The following DGKD variants were observed in gnomAD, a reference collection of about 807,000 sequenced individuals.
DGKD encodes the protein DAG kinase delta.
Under a neutral mutation model 154.4 loss-of-function variants are expected in DGKD, and 68 were observed. That is an observed-to-expected ratio of 0.44 (90% CI 0.36 to 0.54). The LOEUF is 0.54. Ranked by LOEUF, DGKD falls within the 20% of genes least tolerant of loss-of-function variation. The pLI is 0.00. For synonymous variants in DGKD, 693 were observed against 638.0 expected (o/e 1.09, Z -1.30); for missense variants, 1,343 against 1,593.6 (o/e 0.84, Z 2.68).
intron 8 of DGKD, 78 bp downstream of exon 8, chr2:233,437,557 T>G: frequency 1.2e-5 from 17 of 1,392,954 alleles, no homozygotes; most frequent in Non-Finnish European, 1.7e-5. Context: ...TCTCCAGCTC[T>G]GGAGTTGGTT....
chr2:233,458,099 G>C lies in DGKD; in HGVS notation c.2581-185G>C, dbSNP rs561213176. ...ATTCAGTAACTTTGCCGAGATGAGA[G>C]CTGGGATTTGGTCCCAGGCAGCTGG... On this transcript the variant is annotated intron_variant, in intron 21 of 29. Coordinates refer to ENST00000264057, the MANE Select transcript of DGKD (RefSeq NM_152879.3). This position sits in a 1 kb window ranked among gnomAD's most constrained non-coding sequence, Gnocchi z 6.6. 1 of 532,276 alleles carries C rather than the reference G, an allele frequency of 1.9e-6. No homozygotes were observed. The highest frequency in any genetic ancestry group is 3.4e-6 in the Non-Finnish European group (1 of 294,990). The allele number at this position is 532,276 out of a possible 1,614,324, so 33.0% of individuals were successfully genotyped here.
At chr2:233,402,573 C>T (rs998798066) in intron 3 of DGKD, among the ~76,000 whole-genome samples, 3 of 152,162 alleles carry the variant, frequency 2.0e-5, no homozygotes, top group South Asian at 2.1e-4. Context: ...TGGCAAGCCC[C>T]GCTGAAGAGG....
At chr2:233,446,474 C>A (rs2063074757) in intron 11 of DGKD, among the ~76,000 whole-genome samples, 1 of 152,236 alleles carries the variant, frequency 6.6e-6, no homozygotes, top group African/African-American at 2.4e-5. Context: ...CATCTTATCT[C>A]AAGGTAGCCA....
At chr2:233,369,583 C>T (rs1230443308) in intron 1 of DGKD, among the ~76,000 whole-genome samples, 1 of 152,198 alleles carries the variant, frequency 6.6e-6, no homozygotes, top group Non-Finnish European at 1.5e-5. Context: ...GTTTTTCCAT[C>T]AGCCTCTCCC....
intron 3 of DGKD, among the ~76,000 whole-genome samples, chr2:233,433,071 C>T (rs1377914694): frequency 6.6e-6 from 1 of 152,186 alleles, no homozygotes; most frequent in African/African-American, 2.4e-5. Context: ...ACCGTGTGAT[C>T]CAGCAATCCC....
chr2:233,433,804 T>C (rs2062606350), intron 3 of DGKD, among the ~76,000 whole-genome samples: 1 of 152,244 alleles, frequency 6.6e-6, no homozygotes, highest in African/African-American at 2.4e-5. Flanking sequence ...TTTTTTCTAC[T>C]GATTGATAAG....
chr2:233,390,211 C>T (rs1162778402), intron 2 of DGKD, among the ~76,000 whole-genome samples, 192 bp from the exon 3 acceptor site: 2 of 152,130 alleles, frequency 1.3e-5, no homozygotes, highest in Non-Finnish European at 2.9e-5. Flanking sequence ...CCTGTGAGCC[C>T]GAGCTTTTGG....
At chr2:233,396,168 G>A (rs1286315068) in intron 3 of DGKD, among the ~76,000 whole-genome samples, 1 of 152,156 alleles carries the variant, frequency 6.6e-6, no homozygotes, top group Non-Finnish European at 1.5e-5. Flanking sequence ...GTCTTTGAAG[G>A]CATTTCTGCT....
At position 233,434,459 on chromosome 2, in the gene DGKD, C is replaced by A. The variant is rs1266344827; in HGVS notation, c.428C>A (p.Thr143Asn). ...GAAGATTGGATTGCAGCATTAAAGA[C>A]TGTGCAGAACAGGGAGCACTTTGAG... ...EMEDWIAALK[T>N]VQNREHFEPT... The change falls in exon 4 of 30, where the codon ACT becomes AAT. Residue 143 changes from threonine to asparagine, a missense_variant. Transcript: ENST00000264057. The A allele has an allele frequency of 3.1e-6, 5 of 1,613,992 alleles. No individual in the cohort carries two copies. The African/African-American group carries it at 6.7e-5, about 22-fold the overall frequency.
chr2:233,449,248 C>T lies in DGKD; in HGVS notation c.1760C>T (p.Thr587Ile). The change falls in exon 15 of 30, where the codon ACC (threonine) becomes ATC (isoleucine). Residue 587 changes from threonine (T) to isoleucine (I), a missense_variant. Thr to Ile is a moderately conservative substitution (Grantham distance 89, BLOSUM62 -1). Around this residue, in one of 6 missense-constraint regions of DGKD, gnomAD observed 409 missense variants for 446.0 expected, o/e 0.92. Transcript: ENST00000264057. This position sits in a 1 kb window ranked among gnomAD's most constrained non-coding sequence, Gnocchi z 5.3. ...GDGSGSICGS[T>I]GDRLVASACP... Reference sequence around the variant, plus strand: ...GGGTCGGGCAGCATCTGCGGTTCCACCGGAGACCGCTTGGTGGCATCAGCT... The same window carrying T: ...GGGTCGGGCAGCATCTGCGGTTCCATCGGAGACCGCTTGGTGGCATCAGCT... 6.2e-7 allele frequency: 1 copy of T among 1,613,784 alleles called. No individual in the cohort carries two copies. The highest frequency in any genetic ancestry group is 8.5e-7 in the Non-Finnish European group (1 of 1,179,952).
chr2:233,369,764 C>T (rs991934823), intron 1 of DGKD, among the ~76,000 whole-genome samples: 1 of 152,162 alleles, frequency 6.6e-6, no homozygotes, highest in Non-Finnish European at 1.5e-5. Context: ...CTCCCCTCAC[C>T]TTGAATTCAT....
intron 3 of DGKD, among the ~76,000 whole-genome samples, chr2:233,417,302 G>A (rs543634684): frequency 1.3e-5 from 2 of 152,272 alleles, no homozygotes; most frequent in South Asian, 4.1e-4. Flanking sequence ...CAGAGGGCTG[G>A]GATTACAGTC....
intron 1 of DGKD, among the ~76,000 whole-genome samples, chr2:233,362,595 G>A (rs768061689): frequency 1.2e-4 from 18 of 152,294 alleles, no homozygotes; most frequent in South Asian, 4.2e-4. Flanking sequence ...AAGTTGCAGT[G>A]AGCTGAGACC....
At chr2:233,384,681 C>T (rs1703080103) in intron 1 of DGKD, among the ~76,000 whole-genome samples, 1 of 152,196 alleles carries the variant, frequency 6.6e-6, no homozygotes, top group Non-Finnish European at 1.5e-5. Context: ...CATCTCTCCC[C>T]TGCCACCCCA....
At chr2:233,394,057 T>C (rs1185810755) in intron 3 of DGKD, among the ~76,000 whole-genome samples, 1 of 152,220 alleles carries the variant, frequency 6.6e-6, no homozygotes, top group Admixed American at 6.5e-5. Context: ...CGCTTGAGCT[T>C]CCATAGGCTG....
At chr2:233,390,668 C>T (rs2125445226) in intron 3 of DGKD, among the ~76,000 whole-genome samples, 185 bp downstream of exon 3, 1 of 152,300 alleles carries the variant, frequency 6.6e-6, no homozygotes, top group South Asian at 2.1e-4. Context: ...AAGAATTTGG[C>T]ATGCATAAGC....
At position 233,434,848 on chromosome 2, in the gene DGKD, A is replaced by G. The variant is rs770550183; in HGVS notation, c.533A>G (p.Asn178Ser). 33 of 1,614,076 alleles carry G rather than the reference A, an allele frequency of 2.0e-5. No homozygotes were observed. The highest frequency in any genetic ancestry group is 6.7e-5 in the Admixed American group (4 of 59,996). Residue 178 changes from asparagine to serine, a missense_variant, in exon 5 of 30, where the codon AAT (asparagine) becomes AGT (serine). Coordinates refer to ENST00000264057, the MANE Select transcript of DGKD (RefSeq NM_152879.3). ...ACSHARPTYC[N>S]VCREALSGVT... Reference sequence around the variant, plus strand: ...TCCCACGCGAGGCCGACCTACTGCAATGTGTGCCGTGAGGCTCTGTCTGGG... The same window carrying G: ...TCCCACGCGAGGCCGACCTACTGCAGTGTGTGCCGTGAGGCTCTGTCTGGG...
intron 3 of DGKD, among the ~76,000 whole-genome samples, chr2:233,401,957 A>G (rs867257057): frequency 2.0e-5 from 3 of 146,658 alleles, no homozygotes; most frequent in South Asian, 4.3e-4. Context: ...AGCAAGCACT[A>G]TAAACCATCG....
At chr2:233,419,617 C>T (rs2062051742) in intron 3 of DGKD, among the ~76,000 whole-genome samples, 1 of 152,176 alleles carries the variant, frequency 6.6e-6, no homozygotes, top group Admixed American at 6.5e-5. Context: ...TGACTTTACT[C>T]ATGTGCTAGA....
Sources: allele counts gnomAD v4.1 joint callset (sites outside exome capture counted in the v4.1 genomes callset), GRCh38; gene constraint gnomAD v4.1.1; regional missense constraint gnomAD v4.1.1; non-coding constraint Gnocchi (gnomAD v3.1); transcripts MANE v1.5; gene names NCBI Gene and HGNC (gene_info 2026-07-23, HGNC 2026-07-21).